CSMD1: variants seen among roughly 807,000 people sequenced by gnomAD.
The protein encoded by CSMD1 is CUB and Sushi multiple domains 1.
A neutral mutation model predicts 417.5 loss-of-function variants in CSMD1; 213 were observed. The observed-to-expected ratio is 0.51, with a 90% confidence interval of 0.46 to 0.57. CSMD1 has a LOEUF of 0.57. Ranked by LOEUF, CSMD1 falls within the 20% of genes least tolerant of loss-of-function variation. The pLI, the probability that CSMD1 is intolerant of heterozygous loss-of-function variation, is 0.00. For synonymous variants in CSMD1, 2,862 were observed against 1,736.8 expected, an observed-to-expected ratio of 1.65 and a Z score of -16.11; for missense variants, 6,923 against 4,529.7, an observed-to-expected ratio of 1.53 and a Z score of -15.17.
At chr8:4,896,013 G>A (rs143288205) in intron 1 of CSMD1, among the ~76,000 whole-genome samples, 1 of 151,994 alleles carries the variant, frequency 6.6e-6, no homozygotes, top group Non-Finnish European at 1.5e-5. Context: ...TTTTCTGATT[G>A]AGATATTTGT....
chr8:3,553,568 G>C (rs1009844882), intron 10 of CSMD1, among the ~76,000 whole-genome samples: 3 of 152,200 alleles, frequency 2.0e-5, no homozygotes, highest in East Asian at 1.9e-4. Flanking sequence ...AACAATTACA[G>C]CTCTACCTTT....
chr8:4,310,046 A>G (rs942452456), intron 3 of CSMD1, among the ~76,000 whole-genome samples: 2 of 152,178 alleles, frequency 1.3e-5, no homozygotes, highest in African/African-American at 4.8e-5. Flanking sequence ...GACAGAGGGT[A>G]ATGGAAAGAT....
At chr8:4,903,803 AG>A (rs1278932737) in intron 1 of CSMD1, among the ~76,000 whole-genome samples, 1 of 152,226 alleles carries the variant, frequency 6.6e-6, no homozygotes, top group Non-Finnish European at 1.5e-5. Context: ...ACCTACTGTT[AG>A]CCTGGCTCTT....
At chr8:3,487,431 G>A (rs990139197) in intron 11 of CSMD1, among the ~76,000 whole-genome samples, 2 of 152,126 alleles carry the variant, frequency 1.3e-5, no homozygotes, top group Non-Finnish European at 2.9e-5. Flanking sequence ...TCGTTCTCCT[G>A]ACCTCGTGAT....
intron 3 of CSMD1, among the ~76,000 whole-genome samples, chr8:4,057,501 G>A (rs1798757265): frequency 6.6e-6 from 1 of 152,080 alleles, no homozygotes; most frequent in Non-Finnish European, 1.5e-5. Context: ...CATTCTGACG[G>A]TAGTTTGTTT....
intron 1 of CSMD1, among the ~76,000 whole-genome samples, chr8:4,832,546 G>C (rs997616187): frequency 6.6e-6 from 1 of 152,168 alleles, no homozygotes; most frequent in East Asian, 1.9e-4. Context: ...CATGAGGTAT[G>C]CAAGGTTTTA....
In CSMD1 at chr8:3,983,135, C is replaced by CTTTTTTTTTTTTT. The variant is rs201667296; in HGVS notation, c.818+14755_818+14767dup. Among the ~76,000 whole-genome samples the CTTTTTTTTTTTTT allele has an allele frequency of 9.6e-4, 128 of 133,498 alleles. 1 individual carries two copies. Among genetic ancestry groups the CTTTTTTTTTTTTT allele is most frequent in the Non-Finnish European group, 1.4e-3 (87 of 63,632 alleles). The allele number at this position is 133,498 out of a possible 152,430, so 87.6% of individuals were successfully genotyped here. On this transcript the variant is annotated intron_variant, in intron 5 of 69. Coordinates refer to ENST00000635120, the MANE Select transcript of CSMD1 (RefSeq NM_033225.6). ...TATGCATCCTCCCACATCTTTCTTT[C>CTTTTTTTTTTTTT]TTTTTTTTTTTTTGAGACGGACTCT...
chr8:4,339,988 C>G (rs913107341), intron 3 of CSMD1, among the ~76,000 whole-genome samples: 2 of 152,080 alleles, frequency 1.3e-5, no homozygotes, highest in South Asian at 2.1e-4. Context: ...AGCAACACTG[C>G]AGTCCAGCCT....
intron 5 of CSMD1, among the ~76,000 whole-genome samples, chr8:3,760,806 G>C (rs941090586): frequency 6.6e-6 from 1 of 152,178 alleles, no homozygotes; most frequent in African/African-American, 2.4e-5. Context: ...CTTTAACTAT[G>C]ATGACTCAGA....
chr8:3,417,590 G>C (rs1487863125), intron 12 of CSMD1, among the ~76,000 whole-genome samples: 1 of 152,182 alleles, frequency 6.6e-6, no homozygotes, highest in African/African-American at 2.4e-5. Flanking sequence ...GCTACTACAT[G>C]CGGGAAGTGT....
At chr8:4,024,208 T>C (rs989474069) in intron 4 of CSMD1, among the ~76,000 whole-genome samples, 12 of 152,074 alleles carry the variant, frequency 7.9e-5, no homozygotes, top group East Asian at 5.8e-4. Context: ...TAAGAAGACA[T>C]GGGAAACAGA....
intron 1 of CSMD1, among the ~76,000 whole-genome samples, chr8:4,827,655 G>C (rs989793758): frequency 3.9e-5 from 6 of 152,060 alleles, no homozygotes; most frequent in Admixed American, 3.3e-4. Flanking sequence ...CCAGCTTCTC[G>C]AAATGCTTAC....
intron 5 of CSMD1, among the ~76,000 whole-genome samples, chr8:3,949,550 T>G (rs1263225102): frequency 1.3e-5 from 2 of 152,124 alleles, no homozygotes; most frequent in East Asian, 1.9e-4. Context: ...TGTGTCTAAT[T>G]TGGGGTTATT....
Position 3,230,071 on chromosome 8 carries a change from G to A in CSMD1, c.4314C>T (p.Phe1438=). ...ATGTAGGAGGGTCTGGTTGCCAAAA[G>A]AACCGGTTATTCAGCTGCACACAGG... ...KITCVQLNNR[F]FWQPDPPTCI... is the part of the protein sequence containing the mutation. Residue 1438 remains phenylalanine, a synonymous_variant, in exon 27 of 70, where the codon TTC becomes TTT. Transcript: ENST00000635120. 1.2e-6 allele frequency: 2 copies of A among 1,609,732 alleles called. No individual in the cohort carries two copies. Among genetic ancestry groups the A allele is most frequent in the Non-Finnish European group, 1.7e-6 (2 of 1,177,864 alleles).
At chr8:4,209,672 A>C (rs1468196385) in intron 3 of CSMD1, among the ~76,000 whole-genome samples, 1 of 152,258 alleles carries the variant, frequency 6.6e-6, no homozygotes, top group East Asian at 1.9e-4. Flanking sequence ...CCCAGGAAGG[A>C]AATCAAGGGC....
chr8:4,633,990 G>C (rs1802689106), intron 2 of CSMD1, among the ~76,000 whole-genome samples: 1 of 130,846 alleles, frequency 7.6e-6, no homozygotes, highest in Admixed American at 7.2e-5. Context: ...CCACCTGACA[G>C]GTCATTAAAA....
chr8:4,564,816 T>G (rs2130627223), intron 2 of CSMD1, among the ~76,000 whole-genome samples: 1 of 152,376 alleles, frequency 6.6e-6, no homozygotes, highest in African/African-American at 2.4e-5. Flanking sequence ...ATTTAGCTTT[T>G]TCACTCACTG....
At chr8:4,075,468 C>A (rs1004704490) in intron 3 of CSMD1, among the ~76,000 whole-genome samples, 1 of 152,052 alleles carries the variant, frequency 6.6e-6, no homozygotes, top group African/African-American at 2.4e-5. Flanking sequence ...GTCCAAATCT[C>A]TTGTTACAGG....
At chr8:3,768,097 T>A (rs1798384660) in intron 5 of CSMD1, among the ~76,000 whole-genome samples, 2 of 152,252 alleles carry the variant, frequency 1.3e-5, no homozygotes, top group South Asian at 4.1e-4. Flanking sequence ...GTCATATATT[T>A]AAAGACAGGC....
Sources: allele counts gnomAD v4.1 joint callset (sites outside exome capture counted in the v4.1 genomes callset), GRCh38; gene constraint gnomAD v4.1.1; transcripts MANE v1.5; gene names NCBI Gene and HGNC (gene_info 2026-07-23, HGNC 2026-07-21).